Variants in TDRD12 observed in about 807,000 individuals in gnomAD.
TDRD12 encodes the protein tudor domain containing 12.
In TDRD12, 158 loss-of-function variants were observed where a neutral mutation model predicts 133.5. The observed-to-expected ratio is 1.18, with a 90% CI of 1.04 to 1.35. The LOEUF is 1.35. Ranked by LOEUF, TDRD12 falls within the 40% of genes most tolerant of loss-of-function variation. The pLI is 0.00. For synonymous variants in TDRD12, 460 were observed against 477.9 expected (o/e 0.96, Z 0.49); for missense variants, 1,443 against 1,321.3 (o/e 1.09, Z -1.43).
intron 24 of TDRD12, among the ~76,000 whole-genome samples, chr19:32,813,021 T>C (rs149458538): frequency 1.3e-5 from 2 of 151,342 alleles, no homozygotes; most frequent in Non-Finnish European, 2.9e-5. Flanking sequence ...AAAAAAAAAT[T>C]AAAAATTAAC....
chr19:32,749,961 C>T lies in TDRD12; in HGVS notation c.582+92C>T, dbSNP rs1969775564. 7.7e-6 allele frequency: 7 copies of T among 912,222 alleles called. No individual in the cohort carries two copies. The Admixed American group carries it at 1.0e-4, about 13-fold the overall frequency. 56.5% of individuals were successfully genotyped at this position (912,222 alleles called of 1,614,324 possible). On this transcript the variant is annotated intron_variant, in intron 6 of 27. Coordinates refer to ENST00000444215, the Ensembl canonical transcript of TDRD12. The stretch of plus-strand genomic sequence containing the variant: ...AAATGCCAAGAAAAACACTGTAGTT[C>T]GTACAGCATAGAAATTGTCTTAATC...
At chr19:32,763,192 T>G (rs576846317) in intron 8 of TDRD12, among the ~76,000 whole-genome samples, 25 of 152,356 alleles carry the variant, frequency 1.6e-4, no homozygotes, top group Admixed American at 1.6e-3. Context: ...ATTTGATTTA[T>G]TGCCCTTGTT....
At chr19:32,791,945 TAA>T (rs33969319) in intron 13 of TDRD12, among the ~76,000 whole-genome samples, 8,181 of 142,974 alleles carry the variant, frequency 0.057, 354 homozygotes, top group East Asian at 0.28. Context: ...GCCTTCACCT[TAA>T]AAAAAAAAAA....
At chr19:32,781,799 A>G (rs1438537125) in intron 11 of TDRD12, among the ~76,000 whole-genome samples, 2 of 150,700 alleles carry the variant, frequency 1.3e-5, no homozygotes, top group Non-Finnish European at 2.9e-5. Context: ...TATGCTTGTC[A>G]TTCAGTGGAC....
chr19:32,731,339 G>A lies in TDRD12; in HGVS notation c.25-386G>A, dbSNP rs112941163. On this transcript the variant is annotated intron_variant, in intron 1 of 27. Transcript: ENST00000444215. Reference sequence around the variant, plus strand: ...GGAGGCCGAAGTGGGAAAATTGCTCGAGCCCCGGAGTTTGAGACTAGCCTG... The same window carrying A: ...GGAGGCCGAAGTGGGAAAATTGCTCAAGCCCCGGAGTTTGAGACTAGCCTG... Among the ~76,000 whole-genome samples, 79 of 152,066 alleles carry A rather than the reference G, an allele frequency of 5.2e-4. 1 individual carries two copies. The highest frequency in any genetic ancestry group is 1.9e-3 in the African/African-American group (79 of 41,486).
At chr19:32,730,989 T>C (rs1398239823) in intron 1 of TDRD12, among the ~76,000 whole-genome samples, 1 of 152,226 alleles carries the variant, frequency 6.6e-6, no homozygotes, top group Non-Finnish European at 1.5e-5. Flanking sequence ...CACTCCAACC[T>C]GGGTGACACA....
intron 14 of TDRD12, among the ~76,000 whole-genome samples, chr19:32,797,015 C>T (rs1384497751): frequency 2.7e-5 from 4 of 147,906 alleles, no homozygotes; most frequent in African/African-American, 1.0e-4. Context: ...GAGTCTCGCT[C>T]TGTCACCCAG....
intron 7 of TDRD12, 65 bp from the exon 8 acceptor site, chr19:32,756,973 G>A (rs1568461756): frequency 2.4e-5 from 32 of 1,343,948 alleles, no homozygotes; most frequent in Non-Finnish European, 2.8e-5. Flanking sequence ...ATGTACTAAC[G>A]AGTTCACATT....
intron 2 of TDRD12, among the ~76,000 whole-genome samples, chr19:32,732,089 C>T (rs925152244): frequency 2.6e-5 from 4 of 152,122 alleles, no homozygotes; most frequent in Admixed American, 1.3e-4. Context: ...CCGCAACCTC[C>T]GTGTCTCGGG....
chr19:32,770,537 C>T (rs1970416707), intron 8 of TDRD12, among the ~76,000 whole-genome samples: 1 of 152,086 alleles, frequency 6.6e-6, no homozygotes, highest in Non-Finnish European at 1.5e-5. Context: ...CTAAACTCCT[C>T]TTTTCATTTC....
At chr19:32,727,415 T>G (rs1968896093) in intron 1 of TDRD12, among the ~76,000 whole-genome samples, 2 of 152,176 alleles carry the variant, frequency 1.3e-5, no homozygotes, top group African/African-American at 4.8e-5. Flanking sequence ...ATTCCATAAG[T>G]TGACTTTCTA....
At chr19:32,827,804 T>C (rs1967642324) in exon 10 of TDRD12, 2 of 152,088 alleles carry the variant, frequency 1.3e-5, no homozygotes, top group Admixed American at 1.3e-4. Context: ...CAAAGGAGGG[T>C]GGACACAGAG....
At chr19:32,826,022 GTATA>G (rs3842423), downstream of TDRD12, 14 of 1,049,622 alleles carry the variant, frequency 1.3e-5, no homozygotes, top group Non-Finnish European at 1.8e-5. Flanking sequence ...GTACAAAAAA[GTATA>G]TATATATGTG....
At chr19:32,719,775 C>T (rs1353110324) in exon 1 of TDRD12, 5 of 517,916 alleles carry the variant, frequency 9.7e-6, no homozygotes, top group South Asian at 4.2e-5. Context: ...GCCTGCTCAG[C>T]GTGCGCGGGC....
At chr19:32,719,777 T>G (rs976098191) in exon 1 of TDRD12, 36 of 524,174 alleles carry the variant, frequency 6.9e-5, no homozygotes, top group Non-Finnish European at 1.0e-4. Flanking sequence ...CTGCTCAGCG[T>G]GCGCGGGCAT....
chr19:32,826,821 T>A (rs1967608667), intron 9 of TDRD12, 72 bp downstream of exon 32: 3 of 978,134 alleles, frequency 3.1e-6, no homozygotes, highest in Non-Finnish European at 4.0e-6. Context: ...ATCACCCACT[T>A]AGGAATTCAG....
rs1287314558 is a variant in TDRD12 at position 32,826,601 on chromosome 19, G to A, written c.1049+3G>A. ...GGTGTCACCTACTCAGACAGAGGGTGAGTTGGGATGCACTCAGCGGGTGGT... is the reference window on the plus strand; with the variant it reads ...GGTGTCACCTACTCAGACAGAGGGTAAGTTGGGATGCACTCAGCGGGTGGT... On this transcript the variant is annotated splice_donor_region_variant and intron_variant, in intron 9 of 9. Transcript: ENST00000637289. 1.5e-5 allele frequency: 18 copies of A among 1,236,970 alleles called. No homozygotes were observed. The highest frequency in any genetic ancestry group is 4.1e-5 in the Admixed American group (1 of 24,542). The allele number at this position is 1,236,970 out of a possible 1,614,324, so 76.6% of individuals were successfully genotyped here. A position where few individuals can be genotyped will look rare whatever the true frequency, so the allele number is the denominator to read the frequency against.
At position 32,728,931 on chromosome 19, in the gene TDRD12, G is replaced by A. The variant is rs1599826610; in HGVS notation, c.25-2794G>A. Among the ~76,000 whole-genome samples, 3 of 150,654 alleles carry A rather than the reference G, an allele frequency of 2.0e-5. No individual in the cohort carries two copies. The South Asian group carries it at 6.3e-4, about 31-fold the overall frequency. On this transcript the variant is annotated intron_variant, in intron 1 of 27. Transcript: ENST00000444215. Reference sequence around the variant, plus strand: ...CAAAGTGCTGGGATTACAGGCATAAGCCACCGTGCCTGGCCTAAATTTTTA... The same window carrying A: ...CAAAGTGCTGGGATTACAGGCATAAACCACCGTGCCTGGCCTAAATTTTTA...
intron 11 of TDRD12, among the ~76,000 whole-genome samples, chr19:32,780,562 G>T (rs926726134): frequency 3.9e-5 from 6 of 152,116 alleles, no homozygotes; most frequent in African/African-American, 1.2e-4. Context: ...ACGCAGCTCT[G>T]TTGTACAACC....
Sources: allele counts gnomAD v4.1 joint callset (sites outside exome capture counted in the v4.1 genomes callset), GRCh38; gene constraint gnomAD v4.1.1; transcripts MANE v1.5; gene names NCBI Gene and HGNC (gene_info 2026-07-23, HGNC 2026-07-21).